Variants in TTC39C observed in about 807,000 individuals in gnomAD.
TTC39C encodes tetratricopeptide repeat protein 39C.
Under a neutral mutation model 76.3 loss-of-function variants are expected in TTC39C, and 33 were observed. The ratio of observed to expected loss-of-function variants is 0.43; its 90% confidence interval spans 0.33 to 0.58. TTC39C has a LOEUF of 0.58. Among genes scored for constraint, TTC39C ranks in the 20% least tolerant of loss-of-function variants. The pLI is 0.04. For synonymous variants in TTC39C, 254 were observed against 260.6 expected, an observed-to-expected ratio of 0.97 and a Z score of 0.24; for missense variants, 595 against 701.4, an observed-to-expected ratio of 0.85 and a Z score of 1.71.
At chr18:24,082,828 G>A (rs1449174915) in intron 5 of TTC39C, 85 bp from the exon 6 acceptor site, 1 of 1,378,522 alleles carries the variant, frequency 7.3e-7, no homozygotes, top group East Asian at 2.4e-5. Context: ...GAGTAGTATT[G>A]GAAGAACACA....
intron 1 of TTC39C, among the ~76,000 whole-genome samples, chr18:23,997,681 A>AGAAAGAAAGAAG (rs1599218615): frequency 1.4e-5 from 2 of 146,496 alleles, no homozygotes; most frequent in East Asian, 2.0e-4. Flanking sequence ...AAAGAAAGAA[A>AGAAAGAAAGAAG]GAAAGAAAGA....
At chr18:24,019,113 A>G (rs889241605) in intron 1 of TTC39C, among the ~76,000 whole-genome samples, 50 of 152,282 alleles carry the variant, frequency 3.3e-4, no homozygotes, top group African/African-American at 1.1e-3. Context: ...ACTGGCAGTA[A>G]TGAAGCACAT....
At position 24,014,920 on chromosome 18, in the gene TTC39C, T is replaced by C; in HGVS notation, c.49T>C (p.Ser17Pro). 1 of 1,519,214 alleles carries C rather than the reference T, an allele frequency of 6.6e-7. No individual in the cohort carries two copies. The highest frequency in any genetic ancestry group is 8.8e-7 in the Non-Finnish European group (1 of 1,133,644). The allele number at this position is 1,519,214 out of a possible 1,614,324, so 94.1% of individuals were successfully genotyped here. A position where few individuals can be genotyped will look rare whatever the true frequency, so the allele number is the denominator to read the frequency against. ...GCCGCGGCGGCGGGACGACGGAGACTCGGACGCGGCAGCGGCGGCGGCGGC... is the reference window on the plus strand; with the variant it reads ...GCCGCGGCGGCGGGACGACGGAGACCCGGACGCGGCAGCGGCGGCGGCGGC... ...QRPRRRDDGD[S>P]DAAAAAAAPL... The change falls in exon 1 of 14, where the codon TCG (serine) becomes CCG (proline). Residue 17 changes from serine (S) to proline (P), a missense_variant. Ser to Pro is a moderately conservative substitution (Grantham distance 74). Coordinates refer to ENST00000317571, the MANE Select transcript of TTC39C (RefSeq NM_001135993.2).
rs2084319992 is a variant in TTC39C, at chr18:24,077,348, C to G, written c.461-3237C>G. 2.0e-5 allele frequency: 3 copies of G among 152,150 alleles called. No individual in the cohort carries two copies. The South Asian group carries it at 6.2e-4, about 32-fold the overall frequency. The allele number at this position is 152,150 out of a possible 1,614,324, so 9.4% of individuals were successfully genotyped here. On this transcript the variant is annotated intron_variant, in intron 4 of 13. Coordinates refer to ENST00000317571, the MANE Select transcript of TTC39C (RefSeq NM_001135993.2). ...AGGAGTAAAGTGTTCTTCCGAAATC[C>G]TGCAGTAACTATTTTGCACTCTCTA...
intron 8 of TTC39C, among the ~76,000 whole-genome samples, chr18:24,119,888 AGCT>A (rs1318904045): frequency 2.0e-5 from 3 of 152,184 alleles, no homozygotes; most frequent in Non-Finnish European, 4.4e-5. Flanking sequence ...GATGGTGGAC[AGCT>A]ATTTATTTTT....
chr18:24,115,686 C>T (rs2084882291), intron 7 of TTC39C, among the ~76,000 whole-genome samples: 1 of 152,244 alleles, frequency 6.6e-6, no homozygotes, highest in Admixed American at 6.5e-5. Flanking sequence ...CTGCTGTGGA[C>T]ACAATTGTCT....
intron 10 of TTC39C, among the ~76,000 whole-genome samples, chr18:24,128,421 A>G (rs1175203212): frequency 2.0e-5 from 3 of 149,182 alleles, no homozygotes; most frequent in Non-Finnish European, 4.4e-5. Flanking sequence ...ATAATATTAT[A>G]TAAAATATAA....
Position 24,066,136 on chromosome 18 carries a change from A to G in TTC39C, c.341A>G (p.Lys114Arg), listed in dbSNP as rs1376509136. ...VIETIKNKIK[K>R]NVDVRKSAPS... Reference sequence around the variant, plus strand: ...GAAACAATCAAGAATAAAATTAAGAAGAACGTAAGTATTGCGGCTTTAGGT... The same window carrying G: ...GAAACAATCAAGAATAAAATTAAGAGGAACGTAAGTATTGCGGCTTTAGGT... The change falls in exon 3 of 14, where the codon AAG becomes AGG. Residue 114 changes from lysine to arginine, a missense_variant. By Grantham distance (26) the Lys-to-Arg change is conservative. Transcript: ENST00000317571. 1 of 1,597,216 alleles carries G rather than the reference A, an allele frequency of 6.3e-7. No homozygotes were observed. The highest frequency in any genetic ancestry group is 2.3e-5 in the East Asian group (1 of 44,268).
chr18:24,057,602 A>G (rs1568421831), intron 1 of TTC39C, among the ~76,000 whole-genome samples: 1 of 152,136 alleles, frequency 6.6e-6, no homozygotes. Flanking sequence ...ACTCAATGTT[A>G]TTGCTTATGA....
intron 3 of TTC39C, among the ~76,000 whole-genome samples, chr18:24,068,360 A>T (rs998048077): frequency 6.6e-6 from 1 of 152,222 alleles, no homozygotes; most frequent in Non-Finnish European, 1.5e-5. Context: ...AATCTAGAAA[A>T]AAGGGAAACA....
At chr18:24,131,743 T>G in intron 12 of TTC39C, 139 bp from the exon 13 acceptor site, 3 of 611,562 alleles carry the variant, frequency 4.9e-6, no homozygotes, top group Non-Finnish European at 8.3e-6. Context: ...AATATTGGAG[T>G]CATTATACTT....
At chr18:24,027,559 CTTTT>C (rs1205765107) in intron 1 of TTC39C, among the ~76,000 whole-genome samples, 2 of 134,442 alleles carry the variant, frequency 1.5e-5, no homozygotes, top group Non-Finnish European at 1.6e-5. Context: ...TCTGAGGTGA[CTTTT>C]TTTTTTTTTT....
intron 1 of TTC39C, among the ~76,000 whole-genome samples, chr18:24,056,077 T>G (rs2084012455): frequency 6.6e-6 from 1 of 152,198 alleles, no homozygotes; most frequent in African/African-American, 2.4e-5. Context: ...TAGAGAAGCA[T>G]TCAGTGTTGT....
At chr18:24,068,406 C>T (rs1040585295) in intron 3 of TTC39C, among the ~76,000 whole-genome samples, 8 of 152,274 alleles carry the variant, frequency 5.3e-5, no homozygotes, top group African/African-American at 1.9e-4. Flanking sequence ...ATACTGTTGA[C>T]ATATTTGCAA....
rs369961059 is a variant in TTC39C, at chr18:24,034,780, G to T, written c.167+19742G>T. Among the ~76,000 whole-genome samples the T allele has an allele frequency of 3.9e-5, 6 of 152,260 alleles. No homozygotes were observed. The South Asian group carries it at 1.2e-3, about 32-fold the overall frequency. On this transcript the variant is annotated intron_variant, in intron 1 of 13. Coordinates refer to ENST00000317571, the MANE Select transcript of TTC39C (RefSeq NM_001135993.2). ...TTTCACTTAGCATAATGTTCATGAGGTTCATTTATGTTATAGCATATGTCA... is the reference window on the plus strand; with the variant it reads ...TTTCACTTAGCATAATGTTCATGAGTTTCATTTATGTTATAGCATATGTCA...
intron 6 of TTC39C, among the ~76,000 whole-genome samples, chr18:24,103,608 A>G (rs1357393681): frequency 6.6e-6 from 1 of 152,172 alleles, no homozygotes; most frequent in Non-Finnish European, 1.5e-5. Flanking sequence ...TCTCTTTCAC[A>G]TGTGATGTTG....
intron 1 of TTC39C, among the ~76,000 whole-genome samples, chr18:24,042,538 C>G (rs1197823886): frequency 3.3e-5 from 5 of 152,200 alleles, no homozygotes; most frequent in Non-Finnish European, 1.5e-5. Context: ...CAGTTCCTAA[C>G]AGGCCATGGA....
chr18:24,129,273 A>G (rs1180178896), intron 11 of TTC39C, among the ~76,000 whole-genome samples: 1 of 152,172 alleles, frequency 6.6e-6, no homozygotes, highest in Non-Finnish European at 1.5e-5. Flanking sequence ...GGACATGAGG[A>G]GGCAGTTTTG....
intron 4 of TTC39C, among the ~76,000 whole-genome samples, chr18:24,076,138 G>C (rs189227779): frequency 6.6e-6 from 1 of 152,106 alleles, no homozygotes; most frequent in African/African-American, 2.4e-5. Context: ...CACCAAGCCC[G>C]GCTAATTTTT....
Sources: gnomAD v4.1 joint callset for allele counts (sites outside exome capture counted in the v4.1 genomes callset) on GRCh38, gnomAD v4.1.1 for gene constraint, MANE v1.5 for transcripts, NCBI Gene and HGNC (gene_info 2026-07-23, HGNC 2026-07-21) for gene names.